The following GPHN variants were observed in gnomAD, a reference collection of about 807,000 sequenced individuals.
GPHN encodes gephyrin.
Under a neutral mutation model 95.5 loss-of-function variants are expected in GPHN, and 17 were observed. The observed-to-expected ratio is 0.18, with a 90% CI of 0.12 to 0.27. The LOEUF (loss-of-function observed/expected upper bound fraction) is 0.27. Among genes scored for constraint, GPHN ranks in the 10% least tolerant of loss-of-function variants. The pLI, the probability that GPHN is intolerant of heterozygous loss-of-function variation, is 1.00. For missense variants in GPHN, 660 were observed against 978.1 expected (o/e 0.67, Z 4.34); for synonymous variants, 320 against 322.5 (o/e 0.99, Z 0.08).
At chr14:67,142,136 G>A (rs2080498985) in intron 17 of GPHN, among the ~76,000 whole-genome samples, 1 of 152,264 alleles carries the variant, frequency 6.6e-6, no homozygotes, top group South Asian at 2.1e-4. Flanking sequence ...GATGTCCATA[G>A]GGAAGAAAGG....
the GPHN span, among the ~76,000 whole-genome samples, chr14:67,303,158 T>G: frequency 6.6e-6 from 1 of 152,218 alleles, no homozygotes; most frequent in South Asian, 2.1e-4. Flanking sequence ...ATTTCCATCA[T>G]TGGAGAAAGT....
At chr14:67,019,147 C>T (rs1287158246) in intron 9 of GPHN, among the ~76,000 whole-genome samples, 1 of 152,134 alleles carries the variant, frequency 6.6e-6, no homozygotes, top group East Asian at 1.9e-4. Context: ...TTTTAAATAC[C>T]TTGTATTGAT....
the GPHN span, among the ~76,000 whole-genome samples, chr14:67,708,224 CA>C: frequency 2.0e-5 from 3 of 151,154 alleles, no homozygotes; most frequent in East Asian, 3.9e-4. Context: ...CTCTGAAAAA[CA>C]AAAAAAAGGA....
At chr14:66,570,816 G>C (rs2060657763) in intron 1 of GPHN, among the ~76,000 whole-genome samples, 1 of 152,110 alleles carries the variant, frequency 6.6e-6, no homozygotes, top group Admixed American at 6.5e-5. Flanking sequence ...TCTAACAGGT[G>C]TGAGGTGATA....
the GPHN span, among the ~76,000 whole-genome samples, chr14:67,730,915 T>C: frequency 2.6e-5 from 4 of 152,198 alleles, no homozygotes; most frequent in Non-Finnish European, 5.9e-5. Context: ...CAAGCATTTC[T>C]GATAAGGGAT....
intron 4 of GPHN, among the ~76,000 whole-genome samples, chr14:66,876,235 G>GA (rs1386996420): frequency 6.6e-6 from 1 of 152,158 alleles, no homozygotes; most frequent in Non-Finnish European, 1.5e-5. Flanking sequence ...GAATCTCTGG[G>GA]ACACAGCTAA....
intron 1 of GPHN, among the ~76,000 whole-genome samples, chr14:66,599,378 A>G (rs2062120978): frequency 2.2e-5 from 2 of 89,620 alleles, no homozygotes; most frequent in African/African-American, 2.0e-4. Flanking sequence ...CTCTGATTTT[A>G]CATTTTTTTT....
chr14:67,531,930 A>G, the GPHN span, among the ~76,000 whole-genome samples: 9 of 149,418 alleles, frequency 6.0e-5, no homozygotes, highest in Admixed American at 6.7e-5. Flanking sequence ...AAAAAAAAAA[A>G]AGTGAATGAA....
the GPHN span, chr14:67,725,133 G>A: frequency 1.2e-6 from 2 of 1,614,198 alleles, no homozygotes; most frequent in South Asian, 1.1e-5. Flanking sequence ...GAGATGTACT[G>A]AAGGGGGAGT....
the GPHN span, among the ~76,000 whole-genome samples, chr14:67,193,362 AATCT>A: frequency 1.1e-3 from 149 of 133,556 alleles, no homozygotes; most frequent in South Asian, 2.6e-3. Context: ...AGAGATATAT[AATCT>A]ATCTATATAT....
At chr14:67,583,879 C>A in the GPHN span, 1 of 1,613,562 alleles carries the variant, frequency 6.2e-7, no homozygotes, top group East Asian at 2.2e-5. Flanking sequence ...CGCTGAACAG[C>A]TGAGGTAGGT....
chr14:67,495,523 C>G, the GPHN span, among the ~76,000 whole-genome samples: 1,473 of 151,710 alleles, frequency 9.7e-3, 22 homozygotes, highest in African/African-American at 0.033. Flanking sequence ...ACTCTTGTTG[C>G]CCAGGCTGGA....
At chr14:66,683,515 G>A (rs972123162) in intron 2 of GPHN, among the ~76,000 whole-genome samples, 4 of 127,280 alleles carry the variant, frequency 3.1e-5, no homozygotes, top group African/African-American at 1.2e-4. Context: ...TTGTAGGTGA[G>A]TATTTTTTTT....
chr14:67,685,141 G>T, the GPHN span: 1 of 1,614,086 alleles, frequency 6.2e-7, no homozygotes, highest in South Asian at 1.1e-5. Flanking sequence ...CATGAAAGAT[G>T]AGTGCCGAAC....
At chr14:66,776,122 A>T (rs1210014385) in intron 2 of GPHN, among the ~76,000 whole-genome samples, 1 of 152,158 alleles carries the variant, frequency 6.6e-6, no homozygotes, top group East Asian at 1.9e-4. Flanking sequence ...TTTCTTTCTT[A>T]AAAAAGTCAA....
intron 15 of GPHN, among the ~76,000 whole-genome samples, chr14:67,112,278 A>G (rs1263095864): frequency 2.0e-5 from 3 of 152,206 alleles, no homozygotes; most frequent in Admixed American, 2.0e-4. Flanking sequence ...TATTTACACA[A>G]TTAACTAATA....
At chr14:67,654,266 GCTC>G in the GPHN span, among the ~76,000 whole-genome samples, 1 of 152,114 alleles carries the variant, frequency 6.6e-6, no homozygotes, top group Non-Finnish European at 1.5e-5. Flanking sequence ...ACCACACCCT[GCTC>G]CTTTTTTTGA....
chr14:67,397,587 C>G, the GPHN span: 10 of 1,297,678 alleles, frequency 7.7e-6, no homozygotes, highest in South Asian at 4.6e-5. Context: ...CCTACCCACA[C>G]CACTTTCCCA....
chr14:67,332,993 T>C, the GPHN span: 2 of 1,568,898 alleles, frequency 1.3e-6, no homozygotes, highest in African/African-American at 2.7e-5. Flanking sequence ...GGACTTGATC[T>C]GGCAAAAACT....
Sources: gnomAD v4.1 joint callset for allele counts (sites outside exome capture counted in the v4.1 genomes callset) on GRCh38, gnomAD v4.1.1 for gene constraint, MANE v1.5 for transcripts, NCBI Gene and HGNC (gene_info 2026-07-23, HGNC 2026-07-21) for gene names.